CDC42SE2: variants seen among roughly 807,000 people sequenced by gnomAD.
CDC42SE2 encodes CDC42 small effector protein 2.
A neutral mutation model predicts 11.5 loss-of-function variants in CDC42SE2; 3 were observed. The observed-to-expected ratio is 0.26, with a 90% CI of 0.12 to 0.67. CDC42SE2 has a LOEUF of 0.67. CDC42SE2 is among the 30% of genes least tolerant of loss of function. The pLI, the probability that CDC42SE2 is intolerant of heterozygous loss-of-function variation, is 0.80. For missense variants in CDC42SE2, 82 were observed against 106.8 expected (o/e 0.77, Z 1.02); for synonymous variants, 33 against 34.8 (o/e 0.95, Z 0.18).
At chr5:131,249,520 G>A (rs1383416944) in intron 1 of CDC42SE2, among the ~76,000 whole-genome samples, 1 of 152,100 alleles carries the variant, frequency 6.6e-6, no homozygotes, top group Non-Finnish European at 1.5e-5. Context: ...GAAAAATGAG[G>A]AAAGGAGGAT....
At chr5:131,317,955 G>C (rs868656897) in intron 2 of CDC42SE2, among the ~76,000 whole-genome samples, 9 of 150,814 alleles carry the variant, frequency 6.0e-5, no homozygotes, top group South Asian at 2.1e-4. Context: ...TCACTCTGTT[G>C]CCCAGGCTGG....
chr5:131,232,342 G>T, the CDC42SE2 span, among the ~76,000 whole-genome samples: 1 of 151,956 alleles, frequency 6.6e-6, no homozygotes, highest in East Asian at 1.9e-4. Flanking sequence ...TTGAACTCCT[G>T]AGCTCAAGTG....
At chr5:131,301,583 C>T (rs528694180) in intron 1 of CDC42SE2, among the ~76,000 whole-genome samples, 1 of 151,980 alleles carries the variant, frequency 6.6e-6, no homozygotes, top group South Asian at 2.1e-4. Flanking sequence ...CATGGTGATA[C>T]CCTGTCTCTA....
At chr5:131,263,099 A>ATTTTT (rs370938077), upstream of CDC42SE2, among the ~76,000 whole-genome samples, 1 of 137,776 alleles carries the variant, frequency 7.3e-6, no homozygotes, top group Non-Finnish European at 1.6e-5. Context: ...CACCAGGGTA[A>ATTTTT]TTTTTTTTTT....
At chr5:131,294,428 C>T (rs1345194572) in intron 1 of CDC42SE2, among the ~76,000 whole-genome samples, 1 of 152,146 alleles carries the variant, frequency 6.6e-6, no homozygotes, top group Non-Finnish European at 1.5e-5. Context: ...TGAATAAATA[C>T]TGCGCACTAG....
chr5:131,295,940 C>CTCAAAAAATGTCTAAA (rs1757563287), intron 1 of CDC42SE2, among the ~76,000 whole-genome samples: 1 of 152,186 alleles, frequency 6.6e-6, no homozygotes, highest in Non-Finnish European at 1.5e-5. Context: ...CTGCCTCAGC[C>CTCAAAAAATGTCTAAA]TCCCAAAGTG....
chr5:131,278,722 C>T, intron 1 of CDC42SE2, among the ~76,000 whole-genome samples: 1 of 29,358 alleles, frequency 3.4e-5, no homozygotes. Context: ...CTCCCCTCCC[C>T]TCCCCCCTCC....
At chr5:131,213,276 CAACTTTTAACTTTACTCT>C in the CDC42SE2 span, among the ~76,000 whole-genome samples, 1 of 152,026 alleles carries the variant, frequency 6.6e-6, no homozygotes, top group Non-Finnish European at 1.5e-5. Context: ...TTTTGTTCTC[CAACTTTTAACTTTACTCT>C]AGCTTTGAAG....
chr5:131,336,504 T>A (rs1340504176), intron 2 of CDC42SE2, among the ~76,000 whole-genome samples: 8 of 152,310 alleles, frequency 5.3e-5, no homozygotes, highest in Admixed American at 4.6e-4. Flanking sequence ...TTTCCTGAAT[T>A]TGAATGTTGG....
At chr5:131,211,599 T>A in the CDC42SE2 span, among the ~76,000 whole-genome samples, 1 of 152,186 alleles carries the variant, frequency 6.6e-6, no homozygotes, top group African/African-American at 2.4e-5. Flanking sequence ...AGTTGTGGAT[T>A]GTGGGAACGT....
chr5:131,307,670 T>C (rs1169794802), intron 1 of CDC42SE2, among the ~76,000 whole-genome samples: 1 of 152,178 alleles, frequency 6.6e-6, no homozygotes, highest in Non-Finnish European at 1.5e-5. Context: ...TGAACTAGTT[T>C]ACAGTCCCAC....
Position 131,393,879 on chromosome 5 carries a change from TC to T in CDC42SE2, c.*2790del, listed in dbSNP as rs1433448390. The T allele has an allele frequency of 7.0e-6, 1 of 143,706 alleles. No individual in the cohort carries two copies. Among genetic ancestry groups the T allele is most frequent in the Non-Finnish European group, 1.5e-5 (1 of 66,522 alleles). 8.9% of individuals were successfully genotyped at this position (143,706 alleles called of 1,614,324 possible). A position where few individuals can be genotyped will look rare whatever the true frequency, so the allele number is the denominator to read the frequency against. On this transcript the variant is annotated 3_prime_UTR_variant, in exon 5 of 5. Transcript: ENST00000505065. ...CGACCAGCATGTGTTGGAGCAGATC[TC>T]CATGGTAAGCCAAAAGTGGACTTGT... is the stretch of plus-strand genomic sequence containing the variant.
chr5:131,318,248 A>C (rs1339797807), intron 2 of CDC42SE2, among the ~76,000 whole-genome samples: 1 of 152,198 alleles, frequency 6.6e-6, no homozygotes, highest in Non-Finnish European at 1.5e-5. Flanking sequence ...CAGGAGAATA[A>C]CTTTTTAAGA....
chr5:131,278,508 G>GA, intron 1 of CDC42SE2, among the ~76,000 whole-genome samples: 2 of 21,214 alleles, frequency 9.4e-5, no homozygotes, highest in South Asian at 3.7e-3. Flanking sequence ...CCAGCTCCAT[G>GA]TGTGACATCA....
chr5:131,241,213 C>T (rs74657230), upstream of CDC42SE2, among the ~76,000 whole-genome samples: 1 of 151,996 alleles, frequency 6.6e-6, no homozygotes, highest in African/African-American at 2.4e-5. Flanking sequence ...CTCCTGACCT[C>T]GGCCTCCCAA....
chr5:131,360,448 A>T (rs1446420724), intron 3 of CDC42SE2, among the ~76,000 whole-genome samples: 2 of 152,118 alleles, frequency 1.3e-5, no homozygotes, highest in Non-Finnish European at 2.9e-5. Context: ...GTGCCTAAAT[A>T]AAATGTTACT....
At chr5:131,336,294 T>C (rs1404143219) in intron 2 of CDC42SE2, among the ~76,000 whole-genome samples, 1 of 152,240 alleles carries the variant, frequency 6.6e-6, no homozygotes, top group South Asian at 2.1e-4. Flanking sequence ...TGTTGAATAT[T>C]GTCCCCCACT....
At chr5:131,254,005 G>C (rs1756660683) in intron 1 of CDC42SE2, among the ~76,000 whole-genome samples, 1 of 152,150 alleles carries the variant, frequency 6.6e-6, no homozygotes, top group Non-Finnish European at 1.5e-5. Context: ...ATTTCACAGG[G>C]CTTTCTGTTC....
chr5:131,337,241 C>T (rs1039739371), intron 2 of CDC42SE2, among the ~76,000 whole-genome samples: 1 of 152,136 alleles, frequency 6.6e-6, no homozygotes, highest in African/African-American at 2.4e-5. Context: ...CACTCCAGAC[C>T]CTGTTTGCCT....
Sources: gnomAD v4.1 joint callset for allele counts (sites outside exome capture counted in the v4.1 genomes callset) on GRCh38, gnomAD v4.1.1 for gene constraint, MANE v1.5 for transcripts, NCBI Gene and HGNC (gene_info 2026-07-23, HGNC 2026-07-21) for gene names.